The following GPX4 variants were observed in gnomAD, a reference collection of about 807,000 sequenced individuals.
GPX4 encodes phospholipid hydroperoxide glutathione peroxidase GPX4.
GPX4 carries 28 observed loss-of-function variants against 27.8 expected under a neutral mutation model. The ratio of observed to expected loss-of-function variants is 1.01; its 90% CI spans 0.75 to 1.38. The LOEUF (loss-of-function observed/expected upper bound fraction) is 1.38. GPX4 is among the 40% of genes most tolerant of loss of function. GPX4 has a pLI of 0.00. For synonymous variants in GPX4, 163 were observed against 107.8 expected (o/e 1.51, Z -3.17); for missense variants, 357 against 274.1 (o/e 1.30, Z -2.14).
Position 1,104,081 on chromosome 19 carries a change from C to G in GPX4, c.38C>G (p.Ala13Gly). 6.6e-7 allele frequency: 1 copy of G among 1,518,284 alleles called. No homozygotes were observed. The highest frequency in any genetic ancestry group is 8.8e-7 in the Non-Finnish European group (1 of 1,139,786). 94.1% of individuals were successfully genotyped at this position (1,518,284 alleles called of 1,614,324 possible). Residue 13 changes from alanine (A) to glycine (G), a missense_variant, in exon 1 of 7, where the codon GCG becomes GGG. By Grantham distance (60) the Ala-to-Gly change is moderately conservative (BLOSUM62 0). Coordinates refer to ENST00000354171, the MANE Select transcript of GPX4 (RefSeq NM_002085.5). ...LGRLCRLLKP[A>G]LLCGALAAPG... ...CGCCTTTGCCGCCTACTGAAGCCGG[C>G]GCTGCTCTGTGGGGCTCTGGCCGCG...
At position 1,105,430 on chromosome 19, in the gene GPX4, C is replaced by G. The variant is rs2079636789; in HGVS notation, c.244C>G (p.Gln82Glu). Residue 82 changes from glutamine (Q) to glutamate (E), a missense_variant, in exon 3 of 7, where the codon CAG becomes GAG. Coordinates refer to ENST00000354171, the MANE Select transcript of GPX4 (RefSeq NM_002085.5). ...AGGCAAGACCGAAGTAAACTACACTCAGCTCGTCGACCTGCACGCCCGATA... is the reference window on the plus strand; with the variant it reads ...AGGCAAGACCGAAGTAAACTACACTGAGCTCGTCGACCTGCACGCCCGATA... Reference protein sequence around the residue: ...QUGKTEVNYTQLVDLHARYAE... With the variant: ...QUGKTEVNYTELVDLHARYAE... 4 of 1,612,408 alleles carry G rather than the reference C, an allele frequency of 2.5e-6. No homozygotes were observed. Among genetic ancestry groups the G allele is most frequent in the Middle Eastern group, 1.7e-4 (1 of 6,060 alleles).
At chr19:1,105,033 G>C in intron 1 of GPX4, 153 bp from the exon 2 acceptor site, 2 of 1,469,060 alleles carry the variant, frequency 1.4e-6, no homozygotes, top group South Asian at 2.7e-5. Flanking sequence ...GTACAAGGGG[G>C]CGTGTGCGTT....
chr19:1,106,306 G>A (rs886783969), intron 5 of GPX4, 40 bp downstream of exon 5: 4 of 1,605,656 alleles, frequency 2.5e-6, no homozygotes, highest in East Asian at 2.2e-5. Context: ...GCTTCCCCTG[G>A]CCACAGCCGT....
rs886976118 is a variant in GPX4 at position 1,105,777 on chromosome 19, G to C, written c.444G>C (p.Lys148Asn). 1 of 1,461,684 alleles carries C rather than the reference G, an allele frequency of 6.8e-7. No individual in the cohort carries two copies. Among genetic ancestry groups the C allele is most frequent in the Admixed American group, 2.0e-5 (1 of 50,162 alleles). The allele number at this position is 1,461,684 out of a possible 1,614,324, so 90.5% of individuals were successfully genotyped here. ...CCCACCCGCTGTGGAAGTGGATGAA[G>C]ATCCAACCCAAGGGCAAGGGCATCC... ...DDAHPLWKWM[K>N]IQPKGKGILG... Residue 148 changes from lysine (K) to asparagine (N), a missense_variant, in exon 4 of 7, where the codon AAG becomes AAC. By Grantham distance (94) the Lys-to-Asn change is moderately conservative. Coordinates refer to ENST00000354171, the MANE Select transcript of GPX4 (RefSeq NM_002085.5).
In GPX4 at chr19:1,106,144, C is replaced by T. The variant is rs751845338; in HGVS notation, c.477-98C>T. 165 of 1,182,512 alleles carry T rather than the reference C, an allele frequency of 1.4e-4. 1 individual carries two copies. The highest frequency in any genetic ancestry group is 4.8e-4 in the East Asian group (20 of 41,912). 73.3% of individuals were successfully genotyped at this position (1,182,512 alleles called of 1,614,324 possible). ...GGGGCACTGTGGCTGTGGAGGCAGC[C>T]GGGGAAGCTCACACCCTTGTGGCCT... On this transcript the variant is annotated intron_variant, in intron 4 of 6. Transcript: ENST00000354171.
Position 1,104,073 on chromosome 19 carries a change from G to A in GPX4, c.30G>A (p.Leu10=). The part of the protein sequence containing the change: MSLGRLCRL[L]KPALLCGALA... ...GCCTCGGCCGCCTTTGCCGCCTACT[G>A]AAGCCGGCGCTGCTCTGTGGGGCTC... Residue 10 remains leucine, a synonymous_variant, in exon 1 of 7, where the codon CTG becomes CTA. Transcript: ENST00000354171. The A allele has an allele frequency of 4.6e-6, 7 of 1,519,696 alleles. No homozygotes were observed. Among genetic ancestry groups the A allele is most frequent in the Admixed American group, 2.0e-5 (1 of 50,140 alleles). The allele number at this position is 1,519,696 out of a possible 1,614,324, so 94.1% of individuals were successfully genotyped here.
chr19:1,105,635 C>G (rs764846862), intron 3 of GPX4, 23 bp from the exon 4 acceptor site: 2 of 1,610,986 alleles, frequency 1.2e-6, no homozygotes, highest in East Asian at 2.2e-5. Flanking sequence ...CCCCGACTCA[C>G]TCACACACCT....
chr19:1,106,641 CG>C lies in GPX4; in HGVS notation c.*71del. 1.3e-6 allele frequency: 2 copies of C among 1,598,044 alleles called. No individual in the cohort carries two copies. Among genetic ancestry groups the C allele is most frequent in the Non-Finnish European group, 1.7e-6 (2 of 1,172,332 alleles). ...TGGAGCCTTCCACCGGCACTCATGA[CG>C]GCCTGCCTGCAAACCTGCTGGTGGG... On this transcript the variant is annotated 3_prime_UTR_variant, in exon 7 of 7. Coordinates refer to ENST00000354171, the MANE Select transcript of GPX4 (RefSeq NM_002085.5).
chr19:1,105,249 G>C lies in GPX4; in HGVS notation c.148G>C (p.Asp50His). 6.2e-7 allele frequency: 1 copy of C among 1,613,090 alleles called. No individual in the cohort carries two copies. Among genetic ancestry groups the C allele is most frequent in the Admixed American group, 1.7e-5 (1 of 60,030 alleles). ...SMHEFSAKDI[D>H]GHMVNLDKYR... ...GCACGAGTTTTCCGCCAAGGACATC[G>C]ACGGGCACATGGTTAACCTGGACAA... Residue 50 changes from aspartate (D) to histidine (H), a missense_variant, in exon 2 of 7, where the codon GAC (aspartate) becomes CAC (histidine). By Grantham distance (81) the Asp-to-His change is moderately conservative. Transcript: ENST00000354171.
chr19:1,104,033 GC>G lies in GPX4; in HGVS notation c.-7del. On this transcript the variant is annotated 5_prime_UTR_variant, in exon 1 of 7. Transcript: ENST00000354171. ...CGAGGGGAGGAGCCGCTGGCTCCCA[GC>G]CCCGCCGCGATGAGCCTCGGCCGCC... The G allele has an allele frequency of 3.3e-6, 5 of 1,518,236 alleles. No homozygotes were observed. Among genetic ancestry groups the G allele is most frequent in the Non-Finnish European group, 4.4e-6 (5 of 1,139,336 alleles). 94.0% of individuals were successfully genotyped at this position (1,518,236 alleles called of 1,614,324 possible). A position where few individuals can be genotyped will look rare whatever the true frequency, so the allele number is the denominator to read the frequency against.
intron 3 of GPX4, 73 bp downstream of exon 3, chr19:1,105,583 G>T (rs2079639727): frequency 1.9e-6 from 3 of 1,600,892 alleles, no homozygotes; most frequent in Non-Finnish European, 2.6e-6. Context: ...CCTGGAGAGG[G>T]CCTGGGAGTG....
chr19:1,104,754 G>A, intron 1 of GPX4: 1 of 986,168 alleles, frequency 1.0e-6, no homozygotes, highest in Non-Finnish European at 1.2e-6. Context: ...GCGGGCGCAG[G>A]CTCCCCCGGG....
chr19:1,104,449 C>T (rs1163810935), intron 1 of GPX4: 2 of 377,198 alleles, frequency 5.3e-6, no homozygotes, highest in South Asian at 1.8e-4. Flanking sequence ...GGTCGGGGGT[C>T]CAGGCTTGCA....
In GPX4 at chr19:1,104,033, GCCC is replaced by G; in HGVS notation, c.-9_-7del. 6.6e-7 allele frequency: 1 copy of G among 1,518,238 alleles called. No homozygotes were observed. 94.0% of individuals were successfully genotyped at this position (1,518,238 alleles called of 1,614,324 possible). On this transcript the variant is annotated 5_prime_UTR_variant, in exon 1 of 7. Coordinates refer to ENST00000354171, the MANE Select transcript of GPX4 (RefSeq NM_002085.5). ...CGAGGGGAGGAGCCGCTGGCTCCCA[GCCC>G]CGCCGCGATGAGCCTCGGCCGCCTT... is the stretch of plus-strand genomic sequence containing the variant.
In GPX4 at chr19:1,105,228, G is replaced by T. The variant is rs1568532946; in HGVS notation, c.127G>T (p.Glu43Ter). 3.1e-6 allele frequency: 5 copies of T among 1,613,072 alleles called. No homozygotes were observed. Among genetic ancestry groups the T allele is most frequent in the Non-Finnish European group, 4.2e-6 (5 of 1,179,904 alleles). ...CTGGCGCTGTGCGCGCTCCATGCAC[G>T]AGTTTTCCGCCAAGGACATCGACGG... is the stretch of plus-strand genomic sequence containing the variant. Reference protein sequence around the residue: ...DDWRCARSMHEFSAKDIDGHM... With the variant: ...DDWRCARSMH The change falls in exon 2 of 7, where the codon GAG (glutamate) becomes TAG (stop). Residue 43 changes from glutamate (E) to a stop codon, truncating the protein, a stop_gained. Coordinates refer to ENST00000354171, the MANE Select transcript of GPX4 (RefSeq NM_002085.5). LOFTEE classifies it high-confidence loss of function.
intron 5 of GPX4, 28 bp downstream of exon 5, chr19:1,106,294 C>T: frequency 2.5e-6 from 4 of 1,603,312 alleles, no homozygotes; most frequent in Non-Finnish European, 3.4e-6. Context: ...GGTAGGGGAC[C>T]AGCTTCCCCT....
chr19:1,105,917 C>G, intron 4 of GPX4, 108 bp downstream of exon 4: 2 of 1,292,342 alleles, frequency 1.5e-6, no homozygotes, highest in Admixed American at 4.4e-5. Context: ...GGGGCGGTTG[C>G]GGGGAGGTGC....
rs940214448 is a variant in GPX4, at chr19:1,106,707, G to A, written c.*135G>A. 8.2e-7 allele frequency: 1 copy of A among 1,225,218 alleles called. No homozygotes were observed. The highest frequency in any genetic ancestry group is 1.4e-5 in the South Asian group (1 of 70,822). 75.9% of individuals were successfully genotyped at this position (1,225,218 alleles called of 1,614,324 possible). A position where few individuals can be genotyped will look rare whatever the true frequency, so the allele number is the denominator to read the frequency against. ...CCAGCGTGCACCCCGCCGGAGGAAGGTCCCATGGCCTGCTGGGCTTGGCTC... is the reference window on the plus strand; with the variant it reads ...CCAGCGTGCACCCCGCCGGAGGAAGATCCCATGGCCTGCTGGGCTTGGCTC... On this transcript the variant is annotated 3_prime_UTR_variant, in exon 7 of 7. Coordinates refer to ENST00000354171, the MANE Select transcript of GPX4 (RefSeq NM_002085.5).
rs780763270 is a variant in GPX4 at position 1,105,296 on chromosome 19, G to C, written c.179+16G>C. 6.8e-6 allele frequency: 11 copies of C among 1,612,750 alleles called. 1 individual carries two copies. Among genetic ancestry groups the C allele is most frequent in the East Asian group, 2.2e-5 (1 of 44,884 alleles). ...ACAAGTACCGGTGGGCGCTCGCCTG[G>C]GGTGGGGCGCGGGGTCGGGCCCTGG... On this transcript the variant is annotated intron_variant, in intron 2 of 6. Transcript: ENST00000354171.
Sources: allele counts gnomAD v4.1 joint callset, GRCh38; gene constraint gnomAD v4.1.1; transcripts MANE v1.5; gene names NCBI Gene and HGNC (gene_info 2026-07-23, HGNC 2026-07-21).